The following WIPF2 variants were observed in gnomAD, a reference collection of about 807,000 sequenced individuals.
The protein encoded by WIPF2 is WAS/WASL-interacting protein family member 2.
In WIPF2, 23 loss-of-function variants were observed where a neutral mutation model predicts 38.8. The observed-to-expected ratio is 0.59, with a 90% CI of 0.43 to 0.84. WIPF2 has a LOEUF of 0.84. Among genes scored for constraint, WIPF2 ranks in the 40% least tolerant of loss-of-function variants. WIPF2 has a pLI of 0.00. For missense variants in WIPF2, 574 were observed against 580.5 expected, an observed-to-expected ratio of 0.99 and a Z score of 0.11; for synonymous variants, 210 against 223.2, an observed-to-expected ratio of 0.94 and a Z score of 0.53.
intron 5 of WIPF2, among the ~76,000 whole-genome samples, chr17:40,267,948 GC>G (rs2032142449): frequency 6.6e-6 from 1 of 152,140 alleles, no homozygotes; most frequent in Non-Finnish European, 1.5e-5. Context: ...TTCGAGACCA[GC>G]CTGGGCAACA....
chr17:40,227,834 G>A (rs1452676009), intron 1 of WIPF2, among the ~76,000 whole-genome samples: 3 of 151,648 alleles, frequency 2.0e-5, no homozygotes, highest in Non-Finnish European at 4.4e-5. Flanking sequence ...GGGTGACAGA[G>A]CAAGACTTTG....
At chr17:40,258,590 CA>C (rs1567719502) in intron 2 of WIPF2, among the ~76,000 whole-genome samples, 1 of 151,286 alleles carries the variant, frequency 6.6e-6, no homozygotes, top group Non-Finnish European at 1.5e-5. Flanking sequence ...GACTCTGTCT[CA>C]AAAAAATAAA....
intron 1 of WIPF2, among the ~76,000 whole-genome samples, chr17:40,233,280 C>T (rs1425286708): frequency 2.6e-5 from 4 of 151,920 alleles, no homozygotes; most frequent in Non-Finnish European, 5.9e-5. Flanking sequence ...GGTGATTTTG[C>T]TTATACAGTG....
chr17:40,269,412 A>G (rs1234150570), intron 5 of WIPF2, among the ~76,000 whole-genome samples: 3 of 150,898 alleles, frequency 2.0e-5, no homozygotes, highest in African/African-American at 7.3e-5. Context: ...TTGGGAGGCT[A>G]GGATGGGAGG....
chr17:40,243,434 A>G (rs937183167), intron 1 of WIPF2, among the ~76,000 whole-genome samples: 2 of 152,058 alleles, frequency 1.3e-5, no homozygotes, highest in Non-Finnish European at 2.9e-5. Context: ...TTCAGTAGTT[A>G]TATCTTCTTC....
intron 1 of WIPF2, among the ~76,000 whole-genome samples, chr17:40,244,832 G>C (rs1329551191): frequency 2.0e-5 from 3 of 152,084 alleles, no homozygotes; most frequent in African/African-American, 7.2e-5. Flanking sequence ...TCTTTCCCCA[G>C]ATGTTTACAT....
intron 1 of WIPF2, among the ~76,000 whole-genome samples, chr17:40,253,446 T>A (rs563194803): frequency 8.5e-5 from 13 of 152,232 alleles, no homozygotes; most frequent in African/African-American, 1.2e-4. Context: ...ACCCAGGGGA[T>A]GCAAAGAAAA....
intron 2 of WIPF2, among the ~76,000 whole-genome samples, chr17:40,258,577 C>T (rs187871282): frequency 4.5e-4 from 69 of 151,724 alleles, no homozygotes; most frequent in African/African-American, 1.6e-3. Flanking sequence ...GATGACAGAG[C>T]GAGACTCTGT....
intron 4 of WIPF2, among the ~76,000 whole-genome samples, chr17:40,263,285 C>T (rs2031971055): frequency 6.6e-6 from 1 of 151,964 alleles, no homozygotes; most frequent in South Asian, 2.1e-4. Flanking sequence ...TCATAAGGGG[C>T]ATGCAACCTA....
Position 40,264,932 on chromosome 17 carries a change from T to C in WIPF2, c.756T>C (p.Pro252=). ...GTGGCCAGTCTCTGGCTCCTCCTCC[T>C]CCGCCTTACCGCCAGCCTCCTGGGG... ...GPSGQSLAPP[P]PPYRQPPGVP... Residue 252 remains proline, a synonymous_variant, in exon 5 of 8, where the codon CCT becomes CCC. Coordinates refer to ENST00000323571, the MANE Select transcript of WIPF2 (RefSeq NM_133264.5). 1 of 1,614,074 alleles carries C rather than the reference T, an allele frequency of 6.2e-7. No homozygotes were observed. The highest frequency in any genetic ancestry group is 1.6e-4 in the Middle Eastern group (1 of 6,062).
At position 40,272,318 on chromosome 17, in the gene WIPF2, A is replaced by G. The variant is rs1333622342; in HGVS notation, c.971-1472A>G. Among the ~76,000 whole-genome samples the G allele has an allele frequency of 2.6e-5, 4 of 152,090 alleles. No individual in the cohort carries two copies. In the East Asian group the frequency reaches 5.8e-4, roughly 22 times the overall value. ...ACAGGCGTGAGCCACCGTGCCTGGC[A>G]TAGGTATGAATATTTTCATTGGTGA... On this transcript the variant is annotated intron_variant, in intron 5 of 7. Transcript: ENST00000323571.
At chr17:40,227,746 G>C (rs1359448457) in intron 1 of WIPF2, among the ~76,000 whole-genome samples, 2 of 151,786 alleles carry the variant, frequency 1.3e-5, no homozygotes, top group Non-Finnish European at 2.9e-5. Context: ...CCAGTTACTC[G>C]GGAGGCTGAG....
chr17:40,233,593 T>A (rs1225371082), intron 1 of WIPF2, among the ~76,000 whole-genome samples: 1 of 151,962 alleles, frequency 6.6e-6, no homozygotes, highest in Non-Finnish European at 1.5e-5. Context: ...AGTACAGGTG[T>A]GCACCGCTGC....
At chr17:40,267,737 G>A (rs1832500976) in intron 5 of WIPF2, among the ~76,000 whole-genome samples, 1 of 152,112 alleles carries the variant, frequency 6.6e-6, no homozygotes, top group African/African-American at 2.4e-5. Context: ...ACGGGTTTTC[G>A]CCGTGTTGGC....
Position 40,280,885 on chromosome 17 carries a change from TTGA to T in WIPF2, c.*2665_*2667del, listed in dbSNP as rs545474492. ...TCAGATGAGTTTTTTTTAGAGCATGTTGATGATACAACACCTGTTTAAATGTCT... is the reference window on the plus strand; with the variant it reads ...TCAGATGAGTTTTTTTTAGAGCATGTTGATACAACACCTGTTTAAATGTCT... On this transcript the variant is annotated 3_prime_UTR_variant, in exon 8 of 8. Transcript: ENST00000323571. 14 of 152,720 alleles carry T rather than the reference TTGA, an allele frequency of 9.2e-5. No homozygotes were observed. The South Asian group carries it at 2.5e-3, about 27-fold the overall frequency. 9.5% of individuals were successfully genotyped at this position (152,720 alleles called of 1,614,324 possible).
chr17:40,264,885 G>C lies in WIPF2; in HGVS notation c.709G>C (p.Val237Leu), dbSNP rs2032032336. The C allele has an allele frequency of 6.2e-7, 1 of 1,614,150 alleles. No homozygotes were observed. Among genetic ancestry groups the C allele is most frequent in the Non-Finnish European group, 8.5e-7 (1 of 1,180,028 alleles). The change falls in exon 5 of 8, where the codon GTG (valine) becomes CTG (leucine). Residue 237 changes from valine (V) to leucine (L), a missense_variant. Coordinates refer to ENST00000323571, the MANE Select transcript of WIPF2 (RefSeq NM_133264.5). ...CCCAGTCAAACCACCTCCTTCCCCTGTGAATATCAGAACAGGACCAAGTGG... is the reference window on the plus strand; with the variant it reads ...CCCAGTCAAACCACCTCCTTCCCCTCTGAATATCAGAACAGGACCAAGTGG... ...PPPVKPPPSP[V>L]NIRTGPSGQS...
intron 4 of WIPF2, among the ~76,000 whole-genome samples, chr17:40,263,984 ATAAAG>A (rs2145384757): frequency 6.6e-6 from 1 of 152,316 alleles, no homozygotes; most frequent in Admixed American, 6.5e-5. Context: ...CTTGTCAAAA[ATAAAG>A]TAACATTTAA....
intron 1 of WIPF2, among the ~76,000 whole-genome samples, chr17:40,248,084 G>A (rs1451643670): frequency 6.7e-6 from 1 of 149,360 alleles, no homozygotes; most frequent in East Asian, 2.0e-4. Flanking sequence ...GAATGTTCTT[G>A]GGGTTGGTTG....
At chr17:40,224,231 C>CTTTTTTTTT (rs57637591) in intron 1 of WIPF2, among the ~76,000 whole-genome samples, 7 of 110,148 alleles carry the variant, frequency 6.4e-5, no homozygotes, top group Non-Finnish European at 1.3e-4. Context: ...CTTTTCTTTT[C>CTTTTTTTTT]TTTTTTTTTT....
Sources: allele counts gnomAD v4.1 joint callset (sites outside exome capture counted in the v4.1 genomes callset), GRCh38; gene constraint gnomAD v4.1.1; transcripts MANE v1.5; gene names NCBI Gene and HGNC (gene_info 2026-07-23, HGNC 2026-07-21).